The following MAF variants were observed in gnomAD, a reference collection of about 807,000 sequenced individuals.
MAF encodes transcription factor Maf.
MAF carries 10 observed loss-of-function variants against 22.0 expected under a neutral mutation model. That is an observed-to-expected ratio of 0.45 (90% CI 0.28 to 0.77). The LOEUF is 0.77. Ranked by LOEUF, MAF falls within the 30% of genes least tolerant of loss-of-function variation. The probability of loss-of-function intolerance (pLI) is 0.12; values close to 1 mark genes in which losing one functional copy is unlikely to be tolerated. For missense variants in MAF, 544 were observed against 548.4 expected (o/e 0.99, Z 0.08); for synonymous variants, 337 against 255.8 (o/e 1.32, Z -3.03).
At chr16:79,244,684 C>T in the MAF span, among the ~76,000 whole-genome samples, 3,260 of 152,136 alleles carry the variant, frequency 0.021, 63 homozygotes, top group Middle Eastern at 0.071. Context: ...ATCAAGCTAC[C>T]ATTGACTTTC....
the MAF span, among the ~76,000 whole-genome samples, chr16:79,255,400 T>C: frequency 1.3e-5 from 2 of 152,212 alleles, no homozygotes; most frequent in African/African-American, 4.8e-5. Flanking sequence ...CTACCTCCTG[T>C]GTCAAGTGAC....
the MAF span, among the ~76,000 whole-genome samples, chr16:79,481,425 C>A: frequency 0.037 from 5,632 of 152,108 alleles, 363 homozygotes; most frequent in African/African-American, 0.13. Flanking sequence ...GATTTCTCTG[C>A]CTCCAAACCC....
chr16:79,584,310 G>C (rs896768056), downstream of MAF, among the ~76,000 whole-genome samples: 7 of 152,116 alleles, frequency 4.6e-5, no homozygotes, highest in African/African-American at 1.7e-4. Context: ...AATAAACTAA[G>C]TAACTCCCCC....
chr16:79,570,628 C>A, the MAF span, among the ~76,000 whole-genome samples: 1 of 152,196 alleles, frequency 6.6e-6, no homozygotes, highest in Non-Finnish European at 1.5e-5. Flanking sequence ...TGTTTAACAA[C>A]TGGCTCTATG....
At chr16:79,231,424 C>G in the MAF span, among the ~76,000 whole-genome samples, 1 of 152,048 alleles carries the variant, frequency 6.6e-6, no homozygotes, top group Non-Finnish European at 1.5e-5. Flanking sequence ...ATCACGAAAG[C>G]TGACAGAAGC....
the MAF span, among the ~76,000 whole-genome samples, chr16:79,408,028 C>T: frequency 8.1e-6 from 1 of 123,272 alleles, no homozygotes; most frequent in East Asian, 2.6e-4. Flanking sequence ...AAGAGGCGGG[C>T]GCCATAAGAG....
At chr16:79,432,279 C>T in the MAF span, among the ~76,000 whole-genome samples, 1 of 152,110 alleles carries the variant, frequency 6.6e-6, no homozygotes, top group African/African-American at 2.4e-5. Flanking sequence ...CCTGAGGCCT[C>T]CCTAGCCATG....
chr16:79,388,423 A>G, the MAF span, among the ~76,000 whole-genome samples: 1 of 152,226 alleles, frequency 6.6e-6, no homozygotes, highest in Non-Finnish European at 1.5e-5. Flanking sequence ...TTCTTAGAGC[A>G]AATGTCCCTG....
At position 79,599,930 on chromosome 16, in the gene MAF, G is replaced by C. The variant is rs777921473; in HGVS notation, c.-28C>G. On this transcript the variant is annotated 5_prime_UTR_variant, in exon 1 of 2. Coordinates refer to ENST00000326043, the MANE Select transcript of MAF (RefSeq NM_005360.5). ...TCCTGCCGCCGCCGCCGCCGCCGCCGCCGCTCCGCCAGATGGGCTGCAGGA... is the reference window on the plus strand; with the variant it reads ...TCCTGCCGCCGCCGCCGCCGCCGCCCCCGCTCCGCCAGATGGGCTGCAGGA... 6.3e-7 allele frequency: 1 copy of C among 1,597,308 alleles called. No homozygotes were observed. Among genetic ancestry groups the C allele is most frequent in the South Asian group, 1.1e-5 (1 of 90,988 alleles).
the MAF span, among the ~76,000 whole-genome samples, chr16:79,469,801 T>C: frequency 1.3e-5 from 2 of 152,058 alleles, no homozygotes; most frequent in Admixed American, 6.6e-5. Context: ...TTCACAGTGT[T>C]GGTCAGGCTG....
chr16:79,395,640 G>GA, the MAF span, among the ~76,000 whole-genome samples: 1 of 152,142 alleles, frequency 6.6e-6, no homozygotes, highest in African/African-American at 2.4e-5. Flanking sequence ...CAGAAGCCAG[G>GA]AGACAGTCAT....
the MAF span, among the ~76,000 whole-genome samples, chr16:79,373,086 A>G: frequency 4.6e-5 from 7 of 152,156 alleles, no homozygotes; most frequent in Non-Finnish European, 8.8e-5. Flanking sequence ...AGGAGTGGTT[A>G]TAGGATATCT....
chr16:79,534,907 C>T, the MAF span, among the ~76,000 whole-genome samples: 1 of 152,184 alleles, frequency 6.6e-6, no homozygotes, highest in Non-Finnish European at 1.5e-5. Flanking sequence ...ACCGCTTCAT[C>T]TTTCTCAGCT....
chr16:79,474,706 T>A, the MAF span, among the ~76,000 whole-genome samples: 1 of 152,146 alleles, frequency 6.6e-6, no homozygotes, highest in South Asian at 2.1e-4. Flanking sequence ...GAATATTTAT[T>A]TTTTGCTGGT....
the MAF span, among the ~76,000 whole-genome samples, chr16:79,523,012 T>C: frequency 2.0e-5 from 3 of 152,186 alleles, no homozygotes; most frequent in Non-Finnish European, 4.4e-5. Flanking sequence ...GAAAGACAAT[T>C]TTGAGGATTT....
the MAF span, among the ~76,000 whole-genome samples, chr16:79,371,241 C>G: frequency 1.3e-5 from 2 of 152,184 alleles, no homozygotes; most frequent in South Asian, 2.1e-4. Flanking sequence ...CCTTCTTACA[C>G]AGAGGCTCCC....
the MAF span, among the ~76,000 whole-genome samples, chr16:79,254,019 T>A: frequency 2.0e-5 from 3 of 151,824 alleles, no homozygotes; most frequent in Non-Finnish European, 4.4e-5. Context: ...CCTCAGCAAA[T>A]CTTTTTTTGT....
the MAF span, among the ~76,000 whole-genome samples, chr16:79,546,159 T>G: frequency 6.6e-6 from 1 of 152,180 alleles, no homozygotes; most frequent in African/African-American, 2.4e-5. Flanking sequence ...ACTTTAAAAC[T>G]TGATTTTATT....
the MAF span, among the ~76,000 whole-genome samples, chr16:79,395,773 C>T: frequency 6.6e-6 from 1 of 152,164 alleles, no homozygotes; most frequent in Admixed American, 6.5e-5. Context: ...GTGTTGTAAG[C>T]TGCCAACAAA....
Sources: allele counts gnomAD v4.1 joint callset (sites outside exome capture counted in the v4.1 genomes callset), GRCh38; gene constraint gnomAD v4.1.1; transcripts MANE v1.5; gene names NCBI Gene and HGNC (gene_info 2026-07-23, HGNC 2026-07-21).